RBFOX1: variants seen among roughly 807,000 people sequenced by gnomAD.
The protein encoded by RBFOX1 is RNA binding protein fox-1 homolog 1.
In RBFOX1, 8 loss-of-function variants were observed where a neutral mutation model predicts 57.7. That is an observed-to-expected ratio of 0.14 (90% CI 0.08 to 0.25). The LOEUF (loss-of-function observed/expected upper bound fraction) is 0.25. RBFOX1 is among the 10% of genes least tolerant of loss of function. The pLI is 1.00. For synonymous variants in RBFOX1, 326 were observed against 222.4 expected (o/e 1.47, Z -4.15); for missense variants, 611 against 548.5 (o/e 1.11, Z -1.14).
At chr16:7,563,161 T>C (rs770365404) in intron 5 of RBFOX1, among the ~76,000 whole-genome samples, 6 of 152,208 alleles carry the variant, frequency 3.9e-5, no homozygotes, top group Admixed American at 2.0e-4. Flanking sequence ...AAGAGATTAA[T>C]AGAATGCTAA....
chr16:6,867,031 A>C (rs1180403293), intron 3 of RBFOX1, among the ~76,000 whole-genome samples: 1 of 150,734 alleles, frequency 6.6e-6, no homozygotes, highest in Admixed American at 6.6e-5. Context: ...AAAAAAAAAA[A>C]AACTTCCATG....
chr16:6,507,663 T>C (rs1432136242), intron 2 of RBFOX1, among the ~76,000 whole-genome samples: 2 of 152,148 alleles, frequency 1.3e-5, no homozygotes, highest in Non-Finnish European at 2.9e-5. Context: ...AATCCTGTTA[T>C]ATGTCCAACA....
intron 2 of RBFOX1, among the ~76,000 whole-genome samples, chr16:6,625,770 C>T (rs72762953): frequency 5.8e-4 from 89 of 152,210 alleles, no homozygotes; most frequent in Non-Finnish European, 1.1e-3. Context: ...TTTGCAAGTG[C>T]ATTAAATTAG....
chr16:6,917,534 A>G (rs998109610), intron 3 of RBFOX1, among the ~76,000 whole-genome samples: 5 of 152,226 alleles, frequency 3.3e-5, no homozygotes, highest in African/African-American at 4.8e-5. Flanking sequence ...AGGAAGATCA[A>G]TGCTAACAAT....
intron 3 of RBFOX1, among the ~76,000 whole-genome samples, chr16:6,795,875 G>A (rs921352431): frequency 6.6e-6 from 1 of 151,736 alleles, no homozygotes; most frequent in Admixed American, 6.6e-5. Flanking sequence ...ATCACCCCCT[G>A]CCTTCCCTTT....
chr16:6,445,590 G>A (rs56174748), intron 2 of RBFOX1, among the ~76,000 whole-genome samples: 38,707 of 134,090 alleles, frequency 0.29, 5,839 homozygotes, highest in Non-Finnish European at 0.35. Context: ...TTTTGAGATG[G>A]AGTTTTTTTT....
chr16:5,710,449 C>T (rs920456488), intron 3 of RBFOX1, among the ~76,000 whole-genome samples: 3 of 152,166 alleles, frequency 2.0e-5, no homozygotes, highest in African/African-American at 7.2e-5. Flanking sequence ...GGGGAAGAGA[C>T]TTTGCCGTGG....
intron 2 of RBFOX1, among the ~76,000 whole-genome samples, chr16:5,479,425 G>A (rs1397969765): frequency 1.3e-5 from 2 of 152,132 alleles, no homozygotes; most frequent in African/African-American, 4.8e-5. Context: ...GCAAAGCCAC[G>A]CCAAGGCTGA....
At chr16:7,157,973 A>T (rs1260887111) in intron 4 of RBFOX1, among the ~76,000 whole-genome samples, 9 of 152,192 alleles carry the variant, frequency 5.9e-5, no homozygotes, top group East Asian at 3.9e-4. Context: ...AGATTTGTAG[A>T]TTGACAAAAA....
chr16:5,349,636 C>T lies in RBFOX1; in HGVS notation c.219+109531C>T, dbSNP rs531292695. ...TTCAGTGAGCCAGACCATGCCATTG[C>T]ACTTCAGTCTGGGTGACAGAGCAAA... On this transcript the variant is annotated intron_variant, in intron 1 of 2. Transcript: ENST00000585867. 3.9e-5 allele frequency among the ~76,000 whole-genome samples: 6 copies of T among 152,038 alleles called. No homozygotes were observed. The East Asian group carries it at 9.7e-4, about 25-fold the overall frequency.
chr16:7,511,286 C>G (rs940890088), intron 4 of RBFOX1, among the ~76,000 whole-genome samples: 7 of 152,180 alleles, frequency 4.6e-5, no homozygotes, highest in African/African-American at 1.7e-4. Flanking sequence ...TCTTGTTTCT[C>G]TTGTTAGTTT....
At chr16:6,994,945 T>TTTTG (rs2092031918) in intron 3 of RBFOX1, among the ~76,000 whole-genome samples, 1 of 147,994 alleles carries the variant, frequency 6.8e-6, no homozygotes, top group African/African-American at 2.5e-5. Context: ...TTGCATTATT[T>TTTTG]TGTGTGTGTG....
At chr16:6,013,240 G>C (rs2094972523) in intron 4 of RBFOX1, among the ~76,000 whole-genome samples, 1 of 152,166 alleles carries the variant, frequency 6.6e-6, no homozygotes, top group South Asian at 2.1e-4. Flanking sequence ...GTTTCATAAA[G>C]TTATACTAAA....
chr16:7,223,304 G>C (rs918724700), intron 4 of RBFOX1, among the ~76,000 whole-genome samples: 1 of 152,196 alleles, frequency 6.6e-6, no homozygotes, highest in South Asian at 2.1e-4. Flanking sequence ...TTGATTGTCA[G>C]AGCATGTAAA....
chr16:5,749,247 T>C (rs1453152728), intron 3 of RBFOX1, among the ~76,000 whole-genome samples: 3 of 152,204 alleles, frequency 2.0e-5, no homozygotes, highest in African/African-American at 7.2e-5. Flanking sequence ...GTTAGTCTAA[T>C]AGGCTTCCCT....
chr16:6,616,066 G>C lies in RBFOX1; in HGVS notation c.-63-38537G>C, dbSNP rs186756404. On this transcript the variant is annotated intron_variant, in intron 2 of 15. Transcript: ENST00000550418. Reference sequence around the variant, plus strand: ...GGAAAGTCAGACTGTCATCGGTGTGGAGGGCTGTGCAGCAGATGAGGACAG... The same window carrying C: ...GGAAAGTCAGACTGTCATCGGTGTGCAGGGCTGTGCAGCAGATGAGGACAG... Among the ~76,000 whole-genome samples the C allele has an allele frequency of 1.0e-3, 159 of 152,272 alleles. 1 individual carries two copies. The highest frequency in any genetic ancestry group is 3.6e-3 in the African/African-American group (151 of 41,566).
intron 1 of RBFOX1, among the ~76,000 whole-genome samples, chr16:5,458,197 G>T (rs1341588244): frequency 2.0e-5 from 3 of 152,120 alleles, no homozygotes; most frequent in Admixed American, 2.0e-4. Flanking sequence ...TAAAAATTAA[G>T]TGCTGGATAC....
chr16:6,208,248 T>C (rs1003766135), intron 1 of RBFOX1, among the ~76,000 whole-genome samples: 4 of 152,224 alleles, frequency 2.6e-5, no homozygotes, highest in Admixed American at 2.0e-4. Flanking sequence ...TACATATTTC[T>C]GGGTGATGGG....
At chr16:6,506,892 C>A (rs1309592468) in intron 2 of RBFOX1, among the ~76,000 whole-genome samples, 1 of 152,110 alleles carries the variant, frequency 6.6e-6, no homozygotes, top group Non-Finnish European at 1.5e-5. Context: ...AAGTGATCCA[C>A]CTGCCTTGGC....
Sources: allele counts gnomAD v4.1 joint callset (sites outside exome capture counted in the v4.1 genomes callset), GRCh38; gene constraint gnomAD v4.1.1; transcripts MANE v1.5; gene names NCBI Gene and HGNC (gene_info 2026-07-23, HGNC 2026-07-21).